Variants in RLBP1 observed in about 807,000 individuals in gnomAD.
RLBP1 encodes retinaldehyde binding protein 1, also known as retinaldehyde-binding protein 1.
In RLBP1, 26 loss-of-function variants were observed where a neutral mutation model predicts 36.2. The ratio of observed to expected loss-of-function variants is 0.72; its 90% CI spans 0.53 to 1.00. The LOEUF is 1.00. Ranked by LOEUF, RLBP1 falls within the 50% of genes least tolerant of loss-of-function variation. RLBP1 has a pLI of 0.00. For synonymous variants in RLBP1, 155 were observed against 156.2 expected (o/e 0.99, Z 0.06); for missense variants, 410 against 402.4 (o/e 1.02, Z -0.16).
rs1182930420 is a variant in RLBP1 at position 89,211,197 on chromosome 15, T to G, written c.685-388A>C. On this transcript the variant is annotated intron_variant, in intron 7 of 8. Transcript: ENST00000268125. The surrounding 1 kb of genome is among the most constrained non-coding windows in gnomAD (Gnocchi z 5.8). ...CAGTATTATCATCCCTCATTGTCCA[T>G]CAGCCCCTCCCACAACCTCCACCTC... 6.6e-6 allele frequency among the ~76,000 whole-genome samples: 1 copy of G among 152,154 alleles called. No individual in the cohort carries two copies. The highest frequency in any genetic ancestry group is 2.1e-4 in the South Asian group (1 of 4,830).
intron 6 of RLBP1, 28 bp downstream of exon 6, chr15:89,215,032 G>T (rs753467294): frequency 7.4e-6 from 12 of 1,612,228 alleles, no homozygotes; most frequent in Non-Finnish European, 9.3e-6. Context: ...CAGCCCACAG[G>T]GTGGGAGCCA....
intron 6 of RLBP1, among the ~76,000 whole-genome samples, chr15:89,213,870 C>T (rs2051557533): frequency 1.3e-5 from 2 of 152,100 alleles, no homozygotes; most frequent in Admixed American, 1.3e-4. Flanking sequence ...CAAATTAATT[C>T]TGAAGATCAT....
rs374686813 is a variant in RLBP1 at position 89,214,221 on chromosome 15, G to T, written c.525+839C>A. ...TATGCCTGTAATCCCAGCACTTTGG[G>T]AGGCCGAGGTGGGCGGATCACTTGA... On this transcript the variant is annotated intron_variant, in intron 6 of 8. Transcript: ENST00000268125. The surrounding 1 kb of genome is among the most constrained non-coding windows in gnomAD (Gnocchi z 4.6). Among the ~76,000 whole-genome samples the T allele has an allele frequency of 2.0e-5, 3 of 152,126 alleles. No individual in the cohort carries two copies. The highest frequency in any genetic ancestry group is 3.9e-4 in the East Asian group (2 of 5,190).
chr15:89,217,477 TGCACTGGCAACACCTGAGACTGTTG>T (rs2051592099), intron 4 of RLBP1, among the ~76,000 whole-genome samples, 153 bp from the exon 5 acceptor site: 1 of 152,228 alleles, frequency 6.6e-6, no homozygotes, highest in South Asian at 2.1e-4. Context: ...GGGCAGCATC[TGCACTGGCAACACCTGAGACTGTTG>T]TGTGTGGAGA....
Position 89,211,701 on chromosome 15 carries a change from CAG to C in RLBP1, c.684+40_684+41del. 1 of 1,608,486 alleles carries C rather than the reference CAG, an allele frequency of 6.2e-7. No individual in the cohort carries two copies. Among genetic ancestry groups the C allele is most frequent in the South Asian group, 1.1e-5 (1 of 90,884 alleles). ...AGGAGGCCCAGCCTCTCAGCCTCCCCAGCTGTGGGAGGCTGCCGTGCGACAGA... is the reference window on the plus strand; with the variant it reads ...AGGAGGCCCAGCCTCTCAGCCTCCCCCTGTGGGAGGCTGCCGTGCGACAGA... On this transcript the variant is annotated intron_variant, in intron 7 of 8. Transcript: ENST00000268125. The surrounding 1 kb of genome is among the most constrained non-coding windows in gnomAD (Gnocchi z 5.8).
chr15:89,212,625 C>CGTGTGTGTGTGCGCGT (rs2051548409), intron 6 of RLBP1, among the ~76,000 whole-genome samples: 1 of 143,300 alleles, frequency 7.0e-6, no homozygotes, highest in Non-Finnish European at 1.5e-5. Flanking sequence ...TGTGTGTGCG[C>CGTGTGTGTGTGCGCGT]GTGTGTGTGT....
chr15:89,214,590 G>T lies in RLBP1; in HGVS notation c.525+470C>A, dbSNP rs548113132. Reference sequence around the variant, plus strand: ...AACCCTAATTCCCCAACTTGGGGCAGCCCCCTTAACGGCTCAGACAAGCAA... The same window carrying T: ...AACCCTAATTCCCCAACTTGGGGCATCCCCCTTAACGGCTCAGACAAGCAA... On this transcript the variant is annotated intron_variant, in intron 6 of 8. Coordinates refer to ENST00000268125, the MANE Select transcript of RLBP1 (RefSeq NM_000326.5). The surrounding 1 kb of genome is among the most constrained non-coding windows in gnomAD (Gnocchi z 4.6). Among the ~76,000 whole-genome samples, 1 of 151,992 alleles carries T rather than the reference G, an allele frequency of 6.6e-6. No homozygotes were observed. Among genetic ancestry groups the T allele is most frequent in the Non-Finnish European group, 1.5e-5 (1 of 68,008 alleles).
chr15:89,210,087 T>A lies in RLBP1; in HGVS notation c.*198A>T. 1 of 620,366 alleles carries A rather than the reference T, an allele frequency of 1.6e-6. No homozygotes were observed. The highest frequency in any genetic ancestry group is 2.9e-6 in the Non-Finnish European group (1 of 348,920). 38.4% of individuals were successfully genotyped at this position (620,366 alleles called of 1,614,324 possible). ...TGGAAATATAACTATCCCCAGTTCT[T>A]CTTGTTCAAGGGAATTCCCCCTCCT... On this transcript the variant is annotated 3_prime_UTR_variant, in exon 9 of 9. Transcript: ENST00000268125. This position sits in a 1 kb window ranked among gnomAD's most constrained non-coding sequence, Gnocchi z 4.7.
chr15:89,218,114 C>A lies in RLBP1; in HGVS notation c.141+451G>T, dbSNP rs2051597245. ...TCCACAGAGCACAATCTGATCACCTCTGAGCTAGTCCACCAACCGTCTTTC... is the reference window on the plus strand; with the variant it reads ...TCCACAGAGCACAATCTGATCACCTATGAGCTAGTCCACCAACCGTCTTTC... On this transcript the variant is annotated intron_variant, in intron 4 of 8. Coordinates refer to ENST00000268125, the MANE Select transcript of RLBP1 (RefSeq NM_000326.5). This position sits in a 1 kb window ranked among gnomAD's most constrained non-coding sequence, Gnocchi z 4.6. 6.6e-6 allele frequency among the ~76,000 whole-genome samples: 1 copy of A among 152,204 alleles called. No homozygotes were observed. The highest frequency in any genetic ancestry group is 2.1e-4 in the South Asian group (1 of 4,830).
Position 89,218,966 on chromosome 15 carries a change from C to T in RLBP1, c.10G>A (p.Gly4Arg), listed in dbSNP as rs376705292. 9.3e-6 allele frequency: 15 copies of T among 1,614,078 alleles called. No individual in the cohort carries two copies. The Admixed American group carries it at 1.2e-4, about 13-fold the overall frequency. Residue 4 changes from glycine (G) to arginine (R), a missense_variant and splice_region_variant, in exon 3 of 9, where the codon GGG becomes AGG. Coordinates refer to ENST00000268125, the MANE Select transcript of RLBP1 (RefSeq NM_000326.5). The surrounding 1 kb of genome is among the most constrained non-coding windows in gnomAD (Gnocchi z 4.6). Reference protein sequence around the residue: MSEGVGTFRMVPEE... With the variant: MSERVGTFRMVPEE... ...GCCCTGGAGGACAGGGTACTTACCC[C>T]TTCTGACATGTTGCCTATGGAAGAC...
Position 89,211,771 on chromosome 15 carries a change from T to C in RLBP1, c.656A>G (p.Asp219Gly). The C allele has an allele frequency of 6.2e-7, 1 of 1,614,048 alleles. No individual in the cohort carries two copies. The highest frequency in any genetic ancestry group is 8.5e-7 in the Non-Finnish European group (1 of 1,179,954). The change falls in exon 7 of 9, where the codon GAT becomes GGT. Residue 219 changes from aspartate (D) to glycine (G), a missense_variant. Asp to Gly is a moderately conservative substitution (Grantham distance 94). Coordinates refer to ENST00000268125, the MANE Select transcript of RLBP1 (RefSeq NM_000326.5). This position sits in a 1 kb window ranked among gnomAD's most constrained non-coding sequence, Gnocchi z 5.8. The stretch of plus-strand genomic sequence containing the variant: ...GAGCATGTCCACCATCTTCCTGAGA[T>C]CTGAAGTCCGGAGACTAGCAGCCTG... ...MQQAASLRTS[D>G]LRKMVDMLQD...
Position 89,218,872 on chromosome 15 carries a change from C to T in RLBP1, c.12+92G>A. The T allele has an allele frequency of 6.5e-7, 1 of 1,534,406 alleles. No homozygotes were observed. ...TGTGTGCCTATATTCCCGGGCAGAG[C>T]ATAAGATAGAGAAGTAAGGAGGGAG... On this transcript the variant is annotated intron_variant, in intron 3 of 8. Transcript: ENST00000268125. This position sits in a 1 kb window ranked among gnomAD's most constrained non-coding sequence, Gnocchi z 4.6.
chr15:89,215,248 G>A lies in RLBP1; in HGVS notation c.347-10C>T, dbSNP rs200717672. 113 of 1,614,002 alleles carry A rather than the reference G, an allele frequency of 7.0e-5. No individual in the cohort carries two copies. In the African/African-American group the frequency reaches 1.0e-3, roughly 15 times the overall value. The stretch of plus-strand genomic sequence containing the variant: ...CGGAAATTCACATAGCCTGGAGGAA[G>A]GAGAGCAGAGGAACCCCCTCAGGGA... On this transcript the variant is annotated splice_polypyrimidine_tract_variant and intron_variant, in intron 5 of 8. Coordinates refer to ENST00000268125, the MANE Select transcript of RLBP1 (RefSeq NM_000326.5).
At chr15:89,216,611 C>T (rs900877391) in intron 5 of RLBP1, among the ~76,000 whole-genome samples, 1 of 152,178 alleles carries the variant, frequency 6.6e-6, no homozygotes, top group Non-Finnish European at 1.5e-5. Context: ...CGTGAGCCAC[C>T]GCAACCGGCC....
Position 89,211,114 on chromosome 15 carries a change from G to GT in RLBP1, c.685-306dup, listed in dbSNP as rs1218011825. On this transcript the variant is annotated intron_variant, in intron 7 of 8. Transcript: ENST00000268125. The surrounding 1 kb of genome is among the most constrained non-coding windows in gnomAD (Gnocchi z 5.8). ...GTAGCCTTGCTTGACCTTTTGGTGA[G>GT]TTTTTTCAAACCCACTTGCCTGCCG... 1.3e-5 allele frequency among the ~76,000 whole-genome samples: 2 copies of GT among 152,190 alleles called. No homozygotes were observed. Among genetic ancestry groups the GT allele is most frequent in the East Asian group, 1.9e-4 (1 of 5,186 alleles).
intron 2 of RLBP1, chr15:89,219,423 C>T (rs997273218): frequency 4.9e-6 from 1 of 206,134 alleles, no homozygotes; most frequent in African/African-American, 2.3e-5. Flanking sequence ...CAGGATAAGG[C>T]AATCTCTCCT....
At chr15:89,215,321 ACCTCC>A in intron 5 of RLBP1, 83 bp from the exon 6 acceptor site, 11 of 1,413,472 alleles carry the variant, frequency 7.8e-6, no homozygotes, top group Non-Finnish European at 9.9e-6. Flanking sequence ...CAGAGACCTG[ACCTCC>A]TGCCAGGTCC....
At chr15:89,212,315 C>T (rs2051544919) in intron 6 of RLBP1, among the ~76,000 whole-genome samples, 1 of 152,102 alleles carries the variant, frequency 6.6e-6, no homozygotes, top group South Asian at 2.1e-4. Context: ...GGTGCGGTGG[C>T]TCACGCCTAT....
chr15:89,219,504 T>C (rs8031579), intron 2 of RLBP1: 11,536 of 178,854 alleles, frequency 0.064, 1,400 homozygotes, highest in African/African-American at 0.25. Context: ...GGATGGCCCT[T>C]TCCCCAATGC....
Sources: gnomAD v4.1 joint callset for allele counts (sites outside exome capture counted in the v4.1 genomes callset) on GRCh38, gnomAD v4.1.1 for gene constraint, Gnocchi (gnomAD v3.1) non-coding constraint, MANE v1.5 for transcripts, NCBI Gene and HGNC (gene_info 2026-07-23, HGNC 2026-07-21) for gene names.